The following TBC1D30 variants were observed in gnomAD, a reference collection of about 807,000 sequenced individuals.
TBC1D30 encodes TBC1 domain family member 30, also known as TBC1 domain family, member 30.
TBC1D30 carries 31 observed loss-of-function variants against 63.2 expected under a neutral mutation model. The observed-to-expected ratio is 0.49, with a 90% CI of 0.37 to 0.66. The LOEUF is 0.66. Among genes scored for constraint, TBC1D30 ranks in the 30% least tolerant of loss-of-function variants. TBC1D30 has a pLI of 0.00. For missense variants in TBC1D30, 810 were observed against 953.6 expected (o/e 0.85, Z 1.98); for synonymous variants, 307 against 361.5 (o/e 0.85, Z 1.71).
chr12:64,851,045 A>C (rs1412530007), intron 8 of TBC1D30, among the ~76,000 whole-genome samples: 1 of 152,026 alleles, frequency 6.6e-6, no homozygotes, highest in Non-Finnish European at 1.5e-5. Context: ...TAGATTTTCT[A>C]GTTTATTTGC....
intron 1 of TBC1D30, among the ~76,000 whole-genome samples, chr12:64,781,680 G>T (rs753311799): frequency 6.9e-6 from 1 of 144,654 alleles, no homozygotes; most frequent in Non-Finnish European, 1.5e-5. Context: ...GAGTCGTAGG[G>T]CTGTTCTTTC....
intron 1 of TBC1D30, among the ~76,000 whole-genome samples, chr12:64,783,671 T>A (rs1871402324): frequency 6.6e-6 from 1 of 151,102 alleles, no homozygotes; most frequent in South Asian, 2.1e-4. Flanking sequence ...TCTGAAAAAA[T>A]TTTCCCATAT....
At chr12:64,861,243 A>G (rs547016328) in intron 8 of TBC1D30, among the ~76,000 whole-genome samples, 1 of 152,332 alleles carries the variant, frequency 6.6e-6, no homozygotes, top group Admixed American at 6.5e-5. Flanking sequence ...TACAAAATAT[A>G]ATGTCTTTTC....
chr12:64,784,878 A>C, intron 1 of TBC1D30, among the ~76,000 whole-genome samples: 1 of 152,308 alleles, frequency 6.6e-6, no homozygotes, highest in East Asian at 1.9e-4. Context: ...AGTAAAAAAA[A>C]AAAAACTGCT....
chr12:64,802,583 G>T (rs1231508647), intron 2 of TBC1D30, among the ~76,000 whole-genome samples: 1 of 151,932 alleles, frequency 6.6e-6, no homozygotes, highest in Non-Finnish European at 1.5e-5. Context: ...GTGCCATGTT[G>T]GTGTGCTGTA....
chr12:64,788,374 T>G (rs1293501387), intron 2 of TBC1D30, among the ~76,000 whole-genome samples: 1 of 152,198 alleles, frequency 6.6e-6, no homozygotes, highest in Non-Finnish European at 1.5e-5. Flanking sequence ...CTTTCAACTA[T>G]GTTTATATCC....
intron 8 of TBC1D30, among the ~76,000 whole-genome samples, chr12:64,860,872 A>G (rs1157795591): frequency 1.3e-5 from 2 of 152,122 alleles, no homozygotes; most frequent in East Asian, 3.8e-4. Flanking sequence ...TTTCCTCACC[A>G]CCCAACACAC....
In TBC1D30 at chr12:64,843,317, A is replaced by G. The variant is rs1051516379; in HGVS notation, c.933-63A>G. 5.1e-6 allele frequency: 7 copies of G among 1,361,900 alleles called. No individual in the cohort carries two copies. The African/African-American group carries it at 1.0e-4, about 20-fold the overall frequency. 84.4% of individuals were successfully genotyped at this position (1,361,900 alleles called of 1,614,324 possible). A position where few individuals can be genotyped will look rare whatever the true frequency, so the allele number is the denominator to read the frequency against. On this transcript the variant is annotated intron_variant, in intron 7 of 11. Transcript: ENST00000539867. ...GTCCAACATATCTTATACCTGCAGC[A>G]TGTACTGTTACACAGCATGGATGCC...
At chr12:64,789,757 T>C (rs1017278567) in intron 2 of TBC1D30, among the ~76,000 whole-genome samples, 3 of 152,212 alleles carry the variant, frequency 2.0e-5, no homozygotes, top group African/African-American at 4.8e-5. Flanking sequence ...AAGATCAATA[T>C]TGTATTATAG....
At chr12:64,797,816 G>C (rs1872370965) in intron 2 of TBC1D30, among the ~76,000 whole-genome samples, 1 of 152,030 alleles carries the variant, frequency 6.6e-6, no homozygotes, top group Admixed American at 6.6e-5. Context: ...GCTCTTCTGG[G>C]GTACCCTGGA....
chr12:64,835,735 G>C (rs1213440184), intron 5 of TBC1D30, among the ~76,000 whole-genome samples: 1 of 152,150 alleles, frequency 6.6e-6, no homozygotes, highest in Non-Finnish European at 1.5e-5. Context: ...ACATTGAATG[G>C]AAATACATGG....
chr12:64,838,849 A>G lies in TBC1D30; in HGVS notation c.930A>G (p.Gly310=). 1 of 1,536,010 alleles carries G rather than the reference A, an allele frequency of 6.5e-7. No individual in the cohort carries two copies. Among genetic ancestry groups the G allele is most frequent in the African/African-American group, 1.4e-5 (1 of 73,152 alleles). ...RVSLAIWAKL[G]EQIECCETAD... Reference sequence around the variant, plus strand: ...CGCTGGCTATCTGGGCAAAATTAGGAGAGTAAGTGATTTCCACCTTCTGCT... The same window carrying G: ...CGCTGGCTATCTGGGCAAAATTAGGGGAGTAAGTGATTTCCACCTTCTGCT... Residue 310 remains glycine, a splice_region_variant and synonymous_variant, in exon 7 of 12, where the codon GGA becomes GGG. Transcript: ENST00000539867.
chr12:64,825,011 G>C lies in TBC1D30; in HGVS notation c.132G>C (p.Arg44=). 1.3e-6 allele frequency: 2 copies of C among 1,533,826 alleles called. No individual in the cohort carries two copies. The highest frequency in any genetic ancestry group is 1.7e-6 in the Non-Finnish European group (2 of 1,146,338). Residue 44 remains arginine (R), a synonymous_variant, in exon 1 of 12, where the codon CGG becomes CGC. Coordinates refer to ENST00000539867, the MANE Select transcript of TBC1D30 (RefSeq NM_015279.2). ...KRSCISRTAP[R]LLCTLEPGVD... ...GCTGCATTTCCCGGACCGCGCCCCG[G>C]CTGCTGTGCACCCTGGAGCCGGGTG...
intron 1 of TBC1D30, among the ~76,000 whole-genome samples, chr12:64,826,944 A>G (rs926200815): frequency 6.6e-6 from 1 of 152,196 alleles, no homozygotes; most frequent in Admixed American, 6.5e-5. Context: ...CTACTTGATT[A>G]CTTACTATTA....
chr12:64,855,896 T>C (rs1877257257), intron 8 of TBC1D30, among the ~76,000 whole-genome samples: 1 of 152,234 alleles, frequency 6.6e-6, no homozygotes, highest in Non-Finnish European at 1.5e-5. Flanking sequence ...TTAGGTATTA[T>C]AGTCTTCACA....
intron 1 of TBC1D30, among the ~76,000 whole-genome samples, chr12:64,785,483 G>T (rs1240705168): frequency 6.6e-6 from 1 of 151,636 alleles, no homozygotes; most frequent in African/African-American, 2.4e-5. Context: ...TTAGCTGTTA[G>T]GTTTATTATT....
At chr12:64,793,459 C>T (rs1027983687) in intron 2 of TBC1D30, among the ~76,000 whole-genome samples, 10 of 132,734 alleles carry the variant, frequency 7.5e-5, no homozygotes, top group African/African-American at 2.9e-4. Context: ...TCCTGGCCAA[C>T]ATGGTGAAAC....
chr12:64,828,585 A>G, intron 3 of TBC1D30, 76 bp downstream of exon 3: 1 of 964,018 alleles, frequency 1.0e-6, no homozygotes, highest in Non-Finnish European at 1.6e-6. Context: ...ATGTCAAAAA[A>G]TATATTCTAG....
intron 1 of TBC1D30, among the ~76,000 whole-genome samples, chr12:64,765,490 C>CAAAAAAAAAAAAAA (rs60489979): frequency 3.4e-4 from 6 of 17,600 alleles, no homozygotes; most frequent in African/African-American, 9.2e-4. Context: ...AGACTGTCTC[C>CAAAAAAAAAAAAAA]AAAAAAAAAA....
Sources: gnomAD v4.1 joint callset for allele counts (sites outside exome capture counted in the v4.1 genomes callset) on GRCh38, gnomAD v4.1.1 for gene constraint, MANE v1.5 for transcripts, NCBI Gene and HGNC (gene_info 2026-07-23, HGNC 2026-07-21) for gene names.